Variants in TNS2 observed in about 807,000 individuals in gnomAD.
TNS2 encodes tensin-2.
Under a neutral mutation model 155.7 loss-of-function variants are expected in TNS2, and 77 were observed. That is an observed-to-expected ratio of 0.49 (90% CI 0.41 to 0.60). The LOEUF (loss-of-function observed/expected upper bound fraction) is 0.60. TNS2 is among the 20% of genes least tolerant of loss of function. The pLI is 0.00. For missense variants in TNS2, 1,703 were observed against 1,868.8 expected (o/e 0.91, Z 1.64); for synonymous variants, 726 against 763.9 (o/e 0.95, Z 0.82).
upstream of TNS2, chr12:53,049,061 T>A: frequency 4.8e-6 from 5 of 1,036,710 alleles, no homozygotes; most frequent in Non-Finnish European, 7.0e-6. Context: ...TTACTCCCCC[T>A]TTTTCAAGGC....
At position 53,061,216 on chromosome 12, in the gene TNS2, C is replaced by T. The variant is rs2121163452; in HGVS notation, c.3310C>T (p.His1104Tyr). 6.3e-7 allele frequency: 1 copy of T among 1,574,964 alleles called. No individual in the cohort carries two copies. The highest frequency in any genetic ancestry group is 8.6e-7 in the Non-Finnish European group (1 of 1,160,046). Residue 1104 changes from histidine to tyrosine, a missense_variant, in exon 20 of 29, where the codon CAT becomes TAT. His to Tyr is a moderately conservative substitution (Grantham distance 83). Coordinates refer to ENST00000314250, the MANE Select transcript of TNS2 (RefSeq NM_170754.4). Reference sequence around the variant, plus strand: ...ATCGCCAGCCAGAGGCATCAGTCACCATGTCACCTTCGCACCTCTGCTCTC... The same window carrying T: ...ATCGCCAGCCAGAGGCATCAGTCACTATGTCACCTTCGCACCTCTGCTCTC... ...ASSPARGISH[H>Y]VTFAPLLSDN...
chr12:53,049,159 G>T, upstream of TNS2: 1 of 1,579,772 alleles, frequency 6.3e-7, no homozygotes, highest in Non-Finnish European at 8.6e-7. Flanking sequence ...TGGGGGTGGA[G>T]TATGTGTTGG....
upstream of TNS2, chr12:53,049,096 C>G (rs369327360): frequency 1.1e-5 from 16 of 1,418,122 alleles, 1 homozygote; most frequent in African/African-American, 2.3e-4. Flanking sequence ...TCCCTTGACT[C>G]CCAGGACGGG....
At position 53,062,623 on chromosome 12, in the gene TNS2, C is replaced by G; in HGVS notation, c.3749C>G (p.Pro1250Arg). ...TGTCGGTTCTCATTGCCCTCAGATC[C>G]TCTGGAAGAGACCCCAGAGGCTCCA... ...PCCLRIPSKD[P>R]LEETPEAPVP... The change falls in exon 25 of 29, where the codon CCT (proline) becomes CGT (arginine). Residue 1250 changes from proline (P) to arginine (R), a missense_variant. Physicochemically the swap from Pro to Arg is moderately radical, Grantham distance 103 (BLOSUM62 -2). Coordinates refer to ENST00000314250, the MANE Select transcript of TNS2 (RefSeq NM_170754.4). The G allele has an allele frequency of 6.2e-7, 1 of 1,614,078 alleles. No homozygotes were observed. The highest frequency in any genetic ancestry group is 1.7e-5 in the Admixed American group (1 of 60,020).
chr12:53,059,457 A>C lies in TNS2; in HGVS notation c.1816A>C (p.Asn606His). ...QGYREPCGVP[N>H]GGYYRPEGTL... Reference sequence around the variant, plus strand: ...CTACCGGGAGCCCTGCGGGGTTCCCAATGGGGGCTACTACCGGCCAGAGGG... The same window carrying C: ...CTACCGGGAGCCCTGCGGGGTTCCCCATGGGGGCTACTACCGGCCAGAGGG... The change falls in exon 18 of 29, where the codon AAT becomes CAT. Residue 606 changes from asparagine to histidine, a missense_variant. By Grantham distance (68) the Asn-to-His change is moderately conservative. Transcript: ENST00000314250. The surrounding 1 kb of genome is among the most constrained non-coding windows in gnomAD (Gnocchi z 4.7). The C allele has an allele frequency of 6.6e-7, 1 of 1,516,726 alleles. No homozygotes were observed. The highest frequency in any genetic ancestry group is 1.3e-5 in the South Asian group (1 of 75,634). 94.0% of individuals were successfully genotyped at this position (1,516,726 alleles called of 1,614,324 possible). A position where few individuals can be genotyped will look rare whatever the true frequency, so the allele number is the denominator to read the frequency against.
At chr12:53,053,326 C>G in intron 3 of TNS2, 85 bp from the exon 4 acceptor site, 1 of 1,523,800 alleles carries the variant, frequency 6.6e-7, no homozygotes, top group Non-Finnish European at 9.1e-7. Flanking sequence ...CTCCACCTTC[C>G]TCCTGAAGCT....
At chr12:53,061,585 C>T (rs1260354773) in intron 21 of TNS2, 116 bp downstream of exon 21, 5 of 1,366,088 alleles carry the variant, frequency 3.7e-6, no homozygotes, top group Non-Finnish European at 5.1e-6. Flanking sequence ...TGTGTTTACT[C>T]TTGGCTGAGT....
At chr12:53,057,969 G>C in intron 13 of TNS2, 58 bp from the exon 14 acceptor site, 1 of 1,611,734 alleles carries the variant, frequency 6.2e-7, no homozygotes, top group Non-Finnish European at 8.5e-7. Context: ...TGACTGCATA[G>C]CTGCCTCTGC....
chr12:53,058,396 C>T lies in TNS2; in HGVS notation c.1176C>T (p.His392=). 5 of 1,614,178 alleles carry T rather than the reference C, an allele frequency of 3.1e-6. No individual in the cohort carries two copies. Among genetic ancestry groups the T allele is most frequent in the South Asian group, 1.1e-5 (1 of 91,086 alleles). The change falls in exon 15 of 29, where the codon CAC becomes CAT. Residue 392 remains histidine (H), a synonymous_variant. Coordinates refer to ENST00000314250, the MANE Select transcript of TNS2 (RefSeq NM_170754.4). ...TCCAGTTCCACACCTGCACCATCCA[C>T]GGACCACAGCTCACTTTCCCCAAGG... ...FRVQFHTCTI[H]GPQLTFPKDQ... is the part of the protein sequence containing the mutation.
At position 53,051,947 on chromosome 12, in the gene TNS2, A is replaced by C; in HGVS notation, c.168A>C (p.Thr56=). Residue 56 remains threonine, a synonymous_variant, in exon 2 of 29, where the codon ACA becomes ACC. Transcript: ENST00000314250. ...CAVCKVTIDG[T]GVSCRVCKVA... ...TATGTAAGGTGACCATCGATGGGAC[A>C]GGCGTTTCGTGCAGAGGTGAGGCTC... is the stretch of plus-strand genomic sequence containing the variant. 1 of 1,613,296 alleles carries C rather than the reference A, an allele frequency of 6.2e-7. No homozygotes were observed. The highest frequency in any genetic ancestry group is 8.5e-7 in the Non-Finnish European group (1 of 1,179,620).
At chr12:53,055,502 T>C in intron 8 of TNS2, 66 bp from the exon 9 acceptor site, 1 of 1,543,602 alleles carries the variant, frequency 6.5e-7, no homozygotes, top group East Asian at 2.3e-5. Flanking sequence ...CTGTCCCCTT[T>C]CCACCCTGCC....
At chr12:53,047,815 G>A (rs1181323742), upstream of TNS2, among the ~76,000 whole-genome samples, 3 of 152,138 alleles carry the variant, frequency 2.0e-5, no homozygotes, top group African/African-American at 4.8e-5. Context: ...CCCGCTCTGC[G>A]GCCCCCTCCA....
intron 17 of TNS2, 104 bp from the exon 18 acceptor site, chr12:53,058,943 C>T (rs1253999052): frequency 1.9e-5 from 29 of 1,553,502 alleles, no homozygotes; most frequent in Non-Finnish European, 2.3e-5. Context: ...CGAGAGACAC[C>T]CCCGGCCCGA....
Position 53,052,503 on chromosome 12 carries a change from G to GA in TNS2, c.222+12dup. 2 of 1,613,862 alleles carry GA rather than the reference G, an allele frequency of 1.2e-6. No individual in the cohort carries two copies. The highest frequency in any genetic ancestry group is 1.7e-6 in the Non-Finnish European group (2 of 1,179,870). On this transcript the variant is annotated intron_variant, in intron 3 of 28. Coordinates refer to ENST00000314250, the MANE Select transcript of TNS2 (RefSeq NM_170754.4). Reference sequence around the variant, plus strand: ...AAATGTGAAGCAAAGGTGGGTATCTGATTCTACCTGATAGGGGGAGAGGGT... The same window carrying GA: ...AAATGTGAAGCAAAGGTGGGTATCTGAATTCTACCTGATAGGGGGAGAGGGT...
chr12:53,054,842 T>A (rs1275136017), intron 7 of TNS2, among the ~76,000 whole-genome samples: 4 of 69,576 alleles, frequency 5.7e-5, no homozygotes, highest in Non-Finnish European at 1.0e-4. Context: ...CCAGCCAATT[T>A]TTTTTTTTTT....
intron 9 of TNS2, 28 bp from the exon 10 acceptor site, chr12:53,055,753 C>G: frequency 6.2e-7 from 1 of 1,614,242 alleles, no homozygotes; most frequent in Non-Finnish European, 8.5e-7. Context: ...AGCTCCCAGA[C>G]CCTCATCCCT....
intron 7 of TNS2, among the ~76,000 whole-genome samples, chr12:53,054,793 G>C (rs192314168): frequency 2.0e-5 from 3 of 150,212 alleles, no homozygotes; most frequent in Non-Finnish European, 4.4e-5. Flanking sequence ...TCCCACCTCA[G>C]CCTCAGTAGC....
rs1565603312 is a variant in TNS2 at position 53,054,225 on chromosome 12, CG to C, written c.351-42del. On this transcript the variant is annotated intron_variant, in intron 6 of 28. Coordinates refer to ENST00000314250, the MANE Select transcript of TNS2 (RefSeq NM_170754.4). The stretch of plus-strand genomic sequence containing the variant: ...GCCTTCCCGTCACACTAGCCACCTC[CG>C]GGTGCCCCGCCCCTGCGTTCATGCG... 3 of 1,609,218 alleles carry C rather than the reference CG, an allele frequency of 1.9e-6. No homozygotes were observed. The Admixed American group carries it at 5.1e-5, about 28-fold the overall frequency.
intron 21 of TNS2, 86 bp from the exon 22 acceptor site, chr12:53,061,729 T>C (rs1234183524): frequency 9.0e-6 from 14 of 1,547,030 alleles, no homozygotes; most frequent in Non-Finnish European, 1.2e-5. Context: ...ACCATGGAGC[T>C]TGGCAGCAGA....
Sources: allele counts gnomAD v4.1 joint callset (sites outside exome capture counted in the v4.1 genomes callset), GRCh38; gene constraint gnomAD v4.1.1; non-coding constraint Gnocchi (gnomAD v3.1); transcripts MANE v1.5; gene names NCBI Gene and HGNC (gene_info 2026-07-23, HGNC 2026-07-21).